The following DMD variants were observed in gnomAD, a reference collection of about 807,000 sequenced individuals.
The protein encoded by DMD is mutant dystrophin.
DMD carries 63 observed loss-of-function variants against 330.1 expected under a neutral mutation model. The ratio of observed to expected loss-of-function variants is 0.19; its 90% CI spans 0.16 to 0.24. The LOEUF is 0.24. Among genes scored for constraint, DMD ranks in the 10% least tolerant of loss-of-function variants. The probability of loss-of-function intolerance (pLI) is 1.00; values close to 1 mark genes in which losing one functional copy is unlikely to be tolerated. For synonymous variants in DMD, 1,223 were observed against 959.8 expected (o/e 1.27, Z -5.07); for missense variants, 3,344 against 2,684.1 (o/e 1.25, Z -5.43).
At chrX:33,259,422 T>C (rs1471157983) in intron 1 of DMD, among the ~76,000 whole-genome samples, 1 of 110,311 alleles carries the variant, frequency 9.1e-6, no homozygotes, top group East Asian at 2.9e-4. Flanking sequence ...CACTATAGAA[T>C]CATACAGGTT....
chrX:32,791,236 C>T (rs1014978908), intron 7 of DMD, among the ~76,000 whole-genome samples: 1 of 111,938 alleles, frequency 8.9e-6, no homozygotes, highest in Non-Finnish European at 1.9e-5. Flanking sequence ...CCCACTATTG[C>T]CATTACCCGC....
At chrX:31,758,281 A>G (rs967775668) in intron 51 of DMD, among the ~76,000 whole-genome samples, 3 of 111,101 alleles carry the variant, frequency 2.7e-5, no homozygotes, top group African/African-American at 9.8e-5. Flanking sequence ...GAATATTTGG[A>G]AGAATTAAAG....
intron 63 of DMD, among the ~76,000 whole-genome samples, chrX:31,247,331 G>A (rs2048925951): frequency 1.8e-5 from 2 of 111,399 alleles, no homozygotes; most frequent in South Asian, 7.7e-4. Flanking sequence ...GTCAGGTGTG[G>A]TGGCTCACGG....
At chrX:31,580,791 C>A (rs181331104) in intron 55 of DMD, among the ~76,000 whole-genome samples, 1 of 111,764 alleles carries the variant, frequency 8.9e-6, no homozygotes, top group Non-Finnish European at 1.9e-5. Context: ...AAGCTACAAG[C>A]TTAAATAATT....
At chrX:32,747,967 T>G in intron 7 of DMD, among the ~76,000 whole-genome samples, 1 of 112,114 alleles carries the variant, frequency 8.9e-6, no homozygotes, top group Non-Finnish European at 1.9e-5. Flanking sequence ...TAGCTTTTAA[T>G]AATGGTAGAA....
intron 1 of DMD, among the ~76,000 whole-genome samples, chrX:33,283,973 G>A (rs1383077381): frequency 9.9e-5 from 11 of 110,779 alleles, no homozygotes; most frequent in Middle Eastern, 4.8e-3. Flanking sequence ...AGCCAAGATC[G>A]CGCCACTGCA....
At chrX:32,439,835 C>T (rs952748290) in intron 28 of DMD, among the ~76,000 whole-genome samples, 10 of 111,429 alleles carry the variant, frequency 9.0e-5, no homozygotes, top group African/African-American at 3.3e-4. Flanking sequence ...ATGACCACAA[C>T]ATAGAAATAA....
At chrX:31,737,054 T>C in intron 51 of DMD, among the ~76,000 whole-genome samples, 1 of 112,045 alleles carries the variant, frequency 8.9e-6, no homozygotes, top group East Asian at 2.8e-4. Flanking sequence ...GTAATTATCA[T>C]ATTACTCTGT....
rs961227665 is a variant in DMD at position 32,310,230 on chromosome X, G to A, written c.5969C>T (p.Pro1990Leu). The A allele has an allele frequency of 8.3e-7, 1 of 1,209,237 alleles. No homozygotes were observed. The highest frequency in any genetic ancestry group is 1.8e-5 in the South Asian group (1 of 56,939). Reference sequence around the variant, plus strand: ...AGAAGGCACATAAGAAATTTCCAAAGGCATGTCTTCAGTCATCACCATCAT... The same window carrying A: ...AGAAGGCACATAAGAAATTTCCAAAAGCATGTCTTCAGTCATCACCATCAT... ...ETMMVMTEDM[P>L]LEISYVPSTY... is the part of the protein sequence containing the mutation. Residue 1990 changes from proline (P) to leucine (L), a missense_variant, in exon 42 of 79, where the codon CCT becomes CTT. By Grantham distance (98) the Pro-to-Leu change is moderately conservative. Transcript: ENST00000357033.
intron 30 of DMD, among the ~76,000 whole-genome samples, chrX:32,400,634 C>A (rs1180406416): frequency 2.7e-5 from 3 of 110,159 alleles, no homozygotes; most frequent in Non-Finnish European, 3.8e-5. Context: ...CAATGAGATA[C>A]CATCTCACAC....
chrX:32,055,709 T>G lies in DMD; in HGVS notation c.6439-87195A>C, dbSNP rs1034015790. Reference sequence around the variant, plus strand: ...GTAAAATAGTAGACGTGATGTGAGGTATAAGGAGAACTTCCCAATCAATTT... The same window carrying G: ...GTAAAATAGTAGACGTGATGTGAGGGATAAGGAGAACTTCCCAATCAATTT... On this transcript the variant is annotated intron_variant, in intron 44 of 78. Transcript: ENST00000357033. Among the ~76,000 whole-genome samples, 6 of 111,693 alleles carry G rather than the reference T, an allele frequency of 5.4e-5. No individual in the cohort carries two copies. In the Admixed American group the frequency reaches 5.7e-4, roughly 11 times the overall value.
intron 60 of DMD, among the ~76,000 whole-genome samples, chrX:31,409,681 C>T (rs1268529143): frequency 8.9e-6 from 1 of 112,140 alleles, no homozygotes; most frequent in East Asian, 2.8e-4. Flanking sequence ...CAGATTCTCC[C>T]CATTAAGTAA....
chrX:32,796,723 T>TA lies in DMD; in HGVS notation c.649+12769dup, dbSNP rs200492768. 4.1e-3 allele frequency among the ~76,000 whole-genome samples: 461 copies of TA among 112,000 alleles called. 4 individuals are homozygous for TA. The highest frequency in any genetic ancestry group is 0.013 in the African/African-American group (415 of 30,854). On this transcript the variant is annotated intron_variant, in intron 7 of 78. Coordinates refer to ENST00000357033, the MANE Select transcript of DMD (RefSeq NM_004006.3). ...AATATCACATGTATGTACATATATG[T>TA]AAAACGTTATGCATCAATAAAAATA...
intron 45 of DMD, among the ~76,000 whole-genome samples, chrX:31,955,400 C>T (rs1020314435): frequency 1.8e-5 from 2 of 112,010 alleles, no homozygotes; most frequent in African/African-American, 6.5e-5. Flanking sequence ...GGAAAAGGCA[C>T]AGATCTGGGT....
chrX:32,132,230 G>A (rs2096699250), intron 44 of DMD, among the ~76,000 whole-genome samples: 1 of 111,585 alleles, frequency 9.0e-6, no homozygotes, highest in Non-Finnish European at 1.9e-5. Flanking sequence ...AAATGGGTGG[G>A]TCAGTAACGG....
chrX:32,205,005 T>TCTCTCTCTCTCTCACACACACACA (rs60181300), intron 44 of DMD, among the ~76,000 whole-genome samples: 2 of 29,232 alleles, frequency 6.8e-5, no homozygotes, highest in Admixed American at 4.4e-4. Flanking sequence ...TCTCTCTCTC[T>TCTCTCTCTCTCTCACACACACACA]CACATACACA....
At chrX:33,331,316 T>C (rs1297233207) in intron 1 of DMD, among the ~76,000 whole-genome samples, 1 of 111,727 alleles carries the variant, frequency 9.0e-6, no homozygotes, top group African/African-American at 3.3e-5. Flanking sequence ...TTTTTACACT[T>C]GTCATAGAAC....
chrX:33,092,083 C>T (rs906971358), intron 1 of DMD, among the ~76,000 whole-genome samples: 41 of 110,982 alleles, frequency 3.7e-4, no homozygotes, highest in African/African-American at 6.9e-4. Context: ...TTATAGTGTC[C>T]GATCCATTCT....
chrX:31,417,704 T>C (rs191126245), intron 60 of DMD, among the ~76,000 whole-genome samples: 34 of 109,280 alleles, frequency 3.1e-4, no homozygotes, highest in African/African-American at 1.1e-3. Context: ...TTTTTTTTTT[T>C]TGGAGACAGT....
Sources: gnomAD v4.1 joint callset for allele counts (sites outside exome capture counted in the v4.1 genomes callset) on GRCh38, gnomAD v4.1.1 for gene constraint, MANE v1.5 for transcripts, NCBI Gene and HGNC (gene_info 2026-07-23, HGNC 2026-07-21) for gene names.